CLSTN2: variants seen among roughly 807,000 people sequenced by gnomAD.
CLSTN2 encodes calsyntenin-2.
CLSTN2 carries 48 observed loss-of-function variants against 101.2 expected under a neutral mutation model. The observed-to-expected ratio is 0.47, with a 90% confidence interval of 0.38 to 0.60. The LOEUF (loss-of-function observed/expected upper bound fraction) is 0.60, where lower values mean the gene tolerates loss of function less well. Ranked by LOEUF, CLSTN2 falls within the 20% of genes least tolerant of loss-of-function variation. CLSTN2 has a pLI of 0.00. For missense variants in CLSTN2, 1,160 were observed against 1,238.2 expected, an observed-to-expected ratio of 0.94 and a Z score of 0.95; for synonymous variants, 481 against 463.6, an observed-to-expected ratio of 1.04 and a Z score of -0.48.
chr3:140,546,492 A>C, intron 9 of CLSTN2, 23 bp from the exon 10 acceptor site: 1 of 1,611,612 alleles, frequency 6.2e-7, no homozygotes, highest in Non-Finnish European at 8.5e-7. Context: ...TCACAGGGCA[A>C]ATGATGGTGT....
intron 2 of CLSTN2, among the ~76,000 whole-genome samples, chr3:140,229,342 A>T (rs1361361302): frequency 6.6e-6 from 1 of 152,166 alleles, no homozygotes; most frequent in African/African-American, 2.4e-5. Flanking sequence ...TCATTAGCAA[A>T]GTAATAAAAT....
intron 1 of CLSTN2, among the ~76,000 whole-genome samples, chr3:139,994,622 T>C (rs1936170694): frequency 6.6e-6 from 1 of 152,214 alleles, no homozygotes; most frequent in South Asian, 2.1e-4. Flanking sequence ...GTTCCCTTGA[T>C]AGGACTGCTC....
At chr3:140,135,084 A>AC (rs1482411277) in intron 1 of CLSTN2, among the ~76,000 whole-genome samples, 3 of 20,588 alleles carry the variant, frequency 1.5e-4, no homozygotes, top group African/African-American at 3.8e-4. Flanking sequence ...TGCCTCTCAA[A>AC]AAAACACACA....
intron 2 of CLSTN2, among the ~76,000 whole-genome samples, chr3:140,399,390 T>C (rs779821066): frequency 5.3e-5 from 8 of 152,234 alleles, no homozygotes; most frequent in Non-Finnish European, 1.2e-4. Context: ...AATATCTTTC[T>C]ATCTAGAATT....
intron 2 of CLSTN2, among the ~76,000 whole-genome samples, chr3:140,223,121 A>C (rs1302566593): frequency 1.3e-5 from 2 of 152,164 alleles, no homozygotes; most frequent in Non-Finnish European, 2.9e-5. Flanking sequence ...GTTGATTAAG[A>C]AATGTCTTTC....
At chr3:140,223,531 G>T (rs1203469793) in intron 2 of CLSTN2, among the ~76,000 whole-genome samples, 1 of 152,046 alleles carries the variant, frequency 6.6e-6, no homozygotes, top group Non-Finnish European at 1.5e-5. Context: ...AAGGATCCTA[G>T]AATGCTTTTT....
intron 2 of CLSTN2, among the ~76,000 whole-genome samples, chr3:140,346,012 CTCCATCCAGA>C (rs2107939421): frequency 6.6e-6 from 1 of 152,298 alleles, no homozygotes; most frequent in African/African-American, 2.4e-5. Flanking sequence ...CATGCTGGGT[CTCCATCCAGA>C]GAAGTGAGTG....
intron 8 of CLSTN2, among the ~76,000 whole-genome samples, chr3:140,487,441 A>G (rs114654995): frequency 1.5e-3 from 231 of 152,376 alleles, no homozygotes; most frequent in African/African-American, 5.2e-3. Context: ...AATTAAAGGT[A>G]AAACCATAGT....
At chr3:140,400,259 T>C (rs2088225429) in intron 2 of CLSTN2, among the ~76,000 whole-genome samples, 1 of 152,200 alleles carries the variant, frequency 6.6e-6, no homozygotes, top group Admixed American at 6.5e-5. Context: ...CACATGTTGT[T>C]GGGTCCATGG....
chr3:140,279,124 C>T (rs1289557559), intron 2 of CLSTN2, among the ~76,000 whole-genome samples: 1 of 152,176 alleles, frequency 6.6e-6, no homozygotes, highest in African/African-American at 2.4e-5. Context: ...TTCTTTCCCT[C>T]AACATTATGC....
chr3:140,267,385 T>C (rs2086704217), intron 2 of CLSTN2, among the ~76,000 whole-genome samples: 1 of 152,176 alleles, frequency 6.6e-6, no homozygotes, highest in African/African-American at 2.4e-5. Flanking sequence ...TGTCCTAGTC[T>C]AACAGTCTCA....
At position 140,177,384 on chromosome 3, in the gene CLSTN2, T is replaced by C. The variant is rs947952444; in HGVS notation, c.232+1311T>C. ...CTCTAACACATCTCTTTCTTGGACATAGCTAATAATGGTATTAGTCAGTAA... is the reference window on the plus strand; with the variant it reads ...CTCTAACACATCTCTTTCTTGGACACAGCTAATAATGGTATTAGTCAGTAA... On this transcript the variant is annotated intron_variant, in intron 2 of 16. Transcript: ENST00000458420. Among the ~76,000 whole-genome samples the C allele has an allele frequency of 9.2e-5, 14 of 152,202 alleles. 1 individual carries two copies. Among genetic ancestry groups the C allele is most frequent in the African/African-American group, 3.4e-4 (14 of 41,446 alleles).
intron 4 of CLSTN2, 71 bp downstream of exon 4, chr3:140,404,837 A>C: frequency 3.1e-6 from 4 of 1,275,034 alleles, no homozygotes; most frequent in African/African-American, 1.5e-5. Flanking sequence ...AAGACCCAAC[A>C]TGGGCTCTGA....
intron 2 of CLSTN2, among the ~76,000 whole-genome samples, chr3:140,242,329 T>G (rs894815672): frequency 6.6e-6 from 1 of 152,268 alleles, no homozygotes; most frequent in African/African-American, 2.4e-5. Context: ...TCCCCAATAC[T>G]TCCCATGAAA....
intron 2 of CLSTN2, among the ~76,000 whole-genome samples, chr3:140,230,010 C>T (rs926416221): frequency 2.0e-5 from 3 of 152,050 alleles, no homozygotes; most frequent in Non-Finnish European, 4.4e-5. Flanking sequence ...TTATTGCATT[C>T]ACATCTGTCT....
chr3:140,395,905 T>C (rs947083925), intron 2 of CLSTN2, among the ~76,000 whole-genome samples: 2 of 152,126 alleles, frequency 1.3e-5, no homozygotes, highest in African/African-American at 4.8e-5. Context: ...GATACCATAA[T>C]CTGTCTGGAG....
intron 1 of CLSTN2, among the ~76,000 whole-genome samples, chr3:140,110,573 G>T (rs1560097747): frequency 1.3e-5 from 2 of 152,216 alleles, no homozygotes; most frequent in Admixed American, 6.5e-5. Flanking sequence ...TAAAAAGCTA[G>T]CTATGGATGT....
intron 1 of CLSTN2, among the ~76,000 whole-genome samples, chr3:140,021,208 C>T (rs917906347): frequency 6.6e-5 from 10 of 152,140 alleles, no homozygotes; most frequent in East Asian, 1.9e-4. Context: ...TCCTAAGTGC[C>T]GTGATGTTAT....
intron 2 of CLSTN2, among the ~76,000 whole-genome samples, chr3:140,362,233 A>T (rs1484535528): frequency 6.6e-6 from 1 of 152,216 alleles, no homozygotes; most frequent in Non-Finnish European, 1.5e-5. Context: ...TGTTGCAACA[A>T]ATAGTGCTAG....
Sources: allele counts gnomAD v4.1 joint callset (sites outside exome capture counted in the v4.1 genomes callset), GRCh38; gene constraint gnomAD v4.1.1; transcripts MANE v1.5; gene names NCBI Gene and HGNC (gene_info 2026-07-23, HGNC 2026-07-21).